SNTG2: variants seen among roughly 807,000 people sequenced by gnomAD.
The protein encoded by SNTG2 is gamma-2-syntrophin.
A neutral mutation model predicts 70.9 loss-of-function variants in SNTG2; 74 were observed. The ratio of observed to expected loss-of-function variants is 1.04; its 90% confidence interval spans 0.86 to 1.27. SNTG2 has a LOEUF of 1.27. Ranked by LOEUF, SNTG2 falls within the 50% of genes most tolerant of loss-of-function variation. The probability of loss-of-function intolerance (pLI) is 0.00; values close to 1 mark genes in which losing one functional copy is unlikely to be tolerated. For synonymous variants in SNTG2, 278 were observed against 273.8 expected (o/e 1.02, Z -0.15); for missense variants, 717 against 690.7 (o/e 1.04, Z -0.43).
At chr2:1,151,102 G>A (rs544613647) in intron 6 of SNTG2, among the ~76,000 whole-genome samples, 1 of 152,222 alleles carries the variant, frequency 6.6e-6, no homozygotes, top group Non-Finnish European at 1.5e-5. Context: ...ATGACGAACA[G>A]TGGAAAGTAT....
rs1289756396 is a variant in SNTG2 at position 1,316,314 on chromosome 2, A to G, written c.1427A>G (p.Asp476Gly). The change falls in exon 16 of 17, where the codon GAT (aspartate) becomes GGT (glycine). Residue 476 changes from aspartate to glycine, a missense_variant. Asp to Gly is a moderately conservative substitution (Grantham distance 94, BLOSUM62 -1). Coordinates refer to ENST00000308624, the MANE Select transcript of SNTG2 (RefSeq NM_018968.4). Reference protein sequence around the residue: ...KFSQLKGSSDDGKTRVKLLFQ... With the variant: ...KFSQLKGSSDGGKTRVKLLFQ... Reference sequence around the variant, plus strand: ...TCCCAGCTTAAGGGATCTTCAGATGATGGGAAAACTCGAGTAAAGCTGCTG... The same window carrying G: ...TCCCAGCTTAAGGGATCTTCAGATGGTGGGAAAACTCGAGTAAAGCTGCTG... The G allele has an allele frequency of 2.6e-6, 4 of 1,550,770 alleles. No individual in the cohort carries two copies. Among genetic ancestry groups the G allele is most frequent in the East Asian group, 2.4e-5 (1 of 40,906 alleles).
rs529292624 is a variant in SNTG2 at position 1,150,358 on chromosome 2, A to G, written c.411+12549A>G. 3.9e-5 allele frequency among the ~76,000 whole-genome samples: 6 copies of G among 152,270 alleles called. No individual in the cohort carries two copies. The South Asian group carries it at 1.2e-3, about 32-fold the overall frequency. ...TGTCACTCATGAGTGAGTGAAATGT[A>G]TAAAAGTAAATTTAGCTGTTTGCAG... On this transcript the variant is annotated intron_variant, in intron 6 of 16. Coordinates refer to ENST00000308624, the MANE Select transcript of SNTG2 (RefSeq NM_018968.4).
chr2:1,244,892 A>G (rs1261599307), intron 11 of SNTG2, among the ~76,000 whole-genome samples: 1 of 151,898 alleles, frequency 6.6e-6, no homozygotes, highest in Admixed American at 6.6e-5. Flanking sequence ...GAAGATTTAG[A>G]TTTGAAGATA....
chr2:1,141,723 C>T (rs1668761897), intron 6 of SNTG2, among the ~76,000 whole-genome samples: 1 of 152,148 alleles, frequency 6.6e-6, no homozygotes, highest in African/African-American at 2.4e-5. Context: ...GGCCTGAATC[C>T]AGGGGTCCAG....
intron 1 of SNTG2, among the ~76,000 whole-genome samples, chr2:966,249 C>T (rs1660564858): frequency 6.6e-6 from 1 of 152,164 alleles, no homozygotes; most frequent in South Asian, 2.1e-4. Flanking sequence ...TTTGTTGTTG[C>T]ACTTACAATA....
chr2:1,272,242 C>G (rs189297619), intron 14 of SNTG2, among the ~76,000 whole-genome samples: 45 of 151,748 alleles, frequency 3.0e-4, no homozygotes, highest in African/African-American at 1.0e-3. Context: ...ACGGTCCCAT[C>G]TGGGGGGATG....
At chr2:1,148,926 G>A (rs886687057) in intron 6 of SNTG2, among the ~76,000 whole-genome samples, 4 of 152,134 alleles carry the variant, frequency 2.6e-5, no homozygotes, top group Non-Finnish European at 5.9e-5. Flanking sequence ...AGATGAAAGG[G>A]ACAGGAGTCT....
chr2:1,131,733 C>G (rs1186246276), intron 4 of SNTG2, among the ~76,000 whole-genome samples: 1 of 151,692 alleles, frequency 6.6e-6, no homozygotes, highest in Non-Finnish European at 1.5e-5. Flanking sequence ...CTCACTGCAA[C>G]CTCCACCTCC....
At chr2:1,314,035 A>T (rs1681146694) in intron 15 of SNTG2, among the ~76,000 whole-genome samples, 1 of 152,260 alleles carries the variant, frequency 6.6e-6, no homozygotes. Flanking sequence ...AACAATAAAC[A>T]GGACTTTTAC....
At chr2:992,675 T>G (rs1373628100) in intron 1 of SNTG2, among the ~76,000 whole-genome samples, 1 of 152,204 alleles carries the variant, frequency 6.6e-6, no homozygotes, top group Non-Finnish European at 1.5e-5. Flanking sequence ...ATTTCATATG[T>G]GACAGTGCAG....
intron 1 of SNTG2, among the ~76,000 whole-genome samples, chr2:1,036,152 C>T (rs930429015): frequency 6.6e-6 from 1 of 152,102 alleles, no homozygotes; most frequent in Non-Finnish European, 1.5e-5. Flanking sequence ...TGACAGAACT[C>T]CTCATATATT....
intron 16 of SNTG2, among the ~76,000 whole-genome samples, chr2:1,358,886 A>G (rs1660995998): frequency 1.3e-5 from 2 of 152,008 alleles, no homozygotes; most frequent in Admixed American, 1.3e-4. Flanking sequence ...TTGTTTTCTT[A>G]TTGTTCTTCT....
At chr2:1,106,211 G>T (rs1344916306) in intron 4 of SNTG2, among the ~76,000 whole-genome samples, 35 of 114,716 alleles carry the variant, frequency 3.1e-4, no homozygotes, top group African/African-American at 1.1e-3. Context: ...GGTATGGAGA[G>T]CTCCTTGGTA....
chr2:970,274 A>T (rs918402660), intron 1 of SNTG2, among the ~76,000 whole-genome samples: 1 of 151,832 alleles, frequency 6.6e-6, no homozygotes, highest in African/African-American at 2.4e-5. Context: ...ATATTTGAGG[A>T]TTTTTTTTAA....
chr2:1,346,410 G>A (rs544645818), intron 16 of SNTG2: 1 of 152,430 alleles, frequency 6.6e-6, no homozygotes, highest in East Asian at 1.9e-4. Flanking sequence ...TGTGGTCTCA[G>A]TCCCCATCTC....
chr2:1,138,640 C>T (rs2147766853), intron 6 of SNTG2, among the ~76,000 whole-genome samples: 1 of 152,222 alleles, frequency 6.6e-6, no homozygotes, highest in East Asian at 1.9e-4. Context: ...AGGGGAGAGG[C>T]AGTGGAGCCG....
intron 12 of SNTG2, among the ~76,000 whole-genome samples, chr2:1,259,106 T>C (rs1020651564): frequency 6.6e-6 from 1 of 152,308 alleles, no homozygotes; most frequent in African/African-American, 2.4e-5. Context: ...ATCAATCTTA[T>C]CTATCTAAGA....
intron 1 of SNTG2, among the ~76,000 whole-genome samples, chr2:959,916 A>G (rs905409639): frequency 3.3e-5 from 5 of 152,084 alleles, no homozygotes; most frequent in African/African-American, 1.2e-4. Context: ...GACCTGGTCT[A>G]TACCTATCTA....
intron 15 of SNTG2, 78 bp from the exon 16 acceptor site, chr2:1,316,187 G>A: frequency 1.5e-6 from 1 of 672,020 alleles, no homozygotes; most frequent in Non-Finnish European, 2.6e-6. Flanking sequence ...TAACGAGGCT[G>A]TTTAATGTAG....
Sources: gnomAD v4.1 joint callset for allele counts (sites outside exome capture counted in the v4.1 genomes callset) on GRCh38, gnomAD v4.1.1 for gene constraint, MANE v1.5 for transcripts, NCBI Gene and HGNC (gene_info 2026-07-23, HGNC 2026-07-21) for gene names.